The following DNAJC5 variants were observed in gnomAD, a reference collection of about 807,000 sequenced individuals.
DNAJC5 encodes the protein dnaJ homolog subfamily C member 5.
A neutral mutation model predicts 23.2 loss-of-function variants in DNAJC5; 1 was observed. The observed-to-expected ratio is 0.04, with a 90% CI of 0.02 to 0.20. The LOEUF is 0.20. Among genes scored for constraint, DNAJC5 ranks in the 10% least tolerant of loss-of-function variants. The probability of loss-of-function intolerance (pLI) is 1.00; values close to 1 mark genes in which losing one functional copy is unlikely to be tolerated. For synonymous variants in DNAJC5, 136 were observed against 120.0 expected (o/e 1.13, Z -0.87); for missense variants, 180 against 267.0 (o/e 0.67, Z 2.27).
In DNAJC5 at chr20:63,932,858, A is replaced by G. The variant is rs1465993285; in HGVS notation, c.*1290A>G. ...ACCATTGTGGGTCCCTTGGGAGGCC[A>G]GCAGCCAGACTACGGAATCCACATG... On this transcript the variant is annotated 3_prime_UTR_variant, in exon 5 of 5. Transcript: ENST00000360864. This position sits in a 1 kb window ranked among gnomAD's most constrained non-coding sequence, Gnocchi z 4.4. The G allele has an allele frequency of 6.6e-6, 1 of 152,236 alleles. No homozygotes were observed. The highest frequency in any genetic ancestry group is 6.6e-5 in the Admixed American group (1 of 15,262). 9.4% of individuals were successfully genotyped at this position (152,236 alleles called of 1,614,324 possible).
intron 1 of DNAJC5, among the ~76,000 whole-genome samples, chr20:63,913,830 T>C (rs570205294): frequency 1.3e-5 from 2 of 152,306 alleles, no homozygotes; most frequent in East Asian, 3.9e-4. Flanking sequence ...CCGCCCACCT[T>C]GGCCTCCCAA....
intron 1 of DNAJC5, among the ~76,000 whole-genome samples, chr20:63,926,045 GT>G (rs2053612989): frequency 1.3e-5 from 2 of 152,064 alleles, no homozygotes; most frequent in Admixed American, 6.6e-5. Flanking sequence ...AGCCAGGATG[GT>G]CTCAATCTCC....
chr20:63,914,272 T>C (rs140910126), intron 1 of DNAJC5, among the ~76,000 whole-genome samples: 1 of 152,218 alleles, frequency 6.6e-6, no homozygotes. Flanking sequence ...TGTTGAAATA[T>C]TATTTTAAGT....
At chr20:63,916,197 C>T (rs1367122831) in intron 1 of DNAJC5, among the ~76,000 whole-genome samples, 2 of 152,256 alleles carry the variant, frequency 1.3e-5, no homozygotes, top group Non-Finnish European at 2.9e-5. Context: ...ATCTGCATTC[C>T]TCAGCCTCCA....
chr20:63,914,193 G>A (rs948391480), intron 1 of DNAJC5, among the ~76,000 whole-genome samples: 1 of 152,210 alleles, frequency 6.6e-6, no homozygotes. Flanking sequence ...CCGTGGAGGT[G>A]CTGTGACCCA....
chr20:63,904,740 A>G (rs923906084), intron 1 of DNAJC5, among the ~76,000 whole-genome samples: 1 of 152,344 alleles, frequency 6.6e-6, no homozygotes, highest in African/African-American at 2.4e-5. Context: ...AAACAGGCTT[A>G]TCTTATATTT....
Position 63,928,969 on chromosome 20 carries a change from A to C in DNAJC5, c.108-343A>C, listed in dbSNP as rs912975986. On this transcript the variant is annotated intron_variant, in intron 2 of 4. Coordinates refer to ENST00000360864, the MANE Select transcript of DNAJC5 (RefSeq NM_025219.3). This position sits in a 1 kb window ranked among gnomAD's most constrained non-coding sequence, Gnocchi z 4.6. ...ATAAAACACTTCTTAAAGTGCCATC[A>C]TTACGCCCCGCCGTGCTTACCGTTC... 4.6e-5 allele frequency among the ~76,000 whole-genome samples: 7 copies of C among 152,258 alleles called. No individual in the cohort carries two copies. The highest frequency in any genetic ancestry group is 2.6e-4 in the Admixed American group (4 of 15,292).
At chr20:63,904,808 T>G (rs1441080602) in intron 1 of DNAJC5, among the ~76,000 whole-genome samples, 1 of 151,976 alleles carries the variant, frequency 6.6e-6, no homozygotes, top group African/African-American at 2.4e-5. Context: ...TTTTGTTTGT[T>G]TTTGTTTTTC....
intron 1 of DNAJC5, among the ~76,000 whole-genome samples, chr20:63,904,207 G>A (rs540080671): frequency 1.6e-4 from 25 of 152,280 alleles, no homozygotes; most frequent in African/African-American, 5.5e-4. Context: ...TTAGATTCTC[G>A]AGTATAAAGG....
At chr20:63,917,924 C>T (rs935150858) in intron 1 of DNAJC5, among the ~76,000 whole-genome samples, 2 of 152,174 alleles carry the variant, frequency 1.3e-5, no homozygotes, top group South Asian at 2.1e-4. Flanking sequence ...TGTCTTCTCA[C>T]GCCTCAGTTG....
chr20:63,931,380 T>TA lies in DNAJC5; in HGVS notation c.494-85_494-84insA. 1 of 1,265,498 alleles carries TA rather than the reference T, an allele frequency of 7.9e-7. No homozygotes were observed. The highest frequency in any genetic ancestry group is 1.5e-5 in the African/African-American group (1 of 67,774). The allele number at this position is 1,265,498 out of a possible 1,614,324, so 78.4% of individuals were successfully genotyped here. Reference sequence around the variant, plus strand: ...TCTCCCGGTGGAGAGTTTGTCCAGGTGCCCGAAAGTCGCTCCACAGGACCA... The same window carrying TA: ...TCTCCCGGTGGAGAGTTTGTCCAGGTAGCCCGAAAGTCGCTCCACAGGACCA... On this transcript the variant is annotated intron_variant, in intron 4 of 4. Transcript: ENST00000360864. The surrounding 1 kb of genome is among the most constrained non-coding windows in gnomAD (Gnocchi z 9.6).
In DNAJC5 at chr20:63,931,281, G is replaced by A; in HGVS notation, c.494-184G>A. 1 of 793,274 alleles carries A rather than the reference G, an allele frequency of 1.3e-6. No homozygotes were observed. Among genetic ancestry groups the A allele is most frequent in the Admixed American group, 2.0e-5 (1 of 49,494 alleles). The allele number at this position is 793,274 out of a possible 1,614,324, so 49.1% of individuals were successfully genotyped here. A position where few individuals can be genotyped will look rare whatever the true frequency, so the allele number is the denominator to read the frequency against. On this transcript the variant is annotated intron_variant, in intron 4 of 4. Coordinates refer to ENST00000360864, the MANE Select transcript of DNAJC5 (RefSeq NM_025219.3). This position sits in a 1 kb window ranked among gnomAD's most constrained non-coding sequence, Gnocchi z 9.6. ...CAGGGCGGCAGGCAGTTGGGGCGGG[G>A]CTGAGGGCCGAGGGCTGGCGGTGAC...
At chr20:63,918,133 A>G (rs780145156) in intron 1 of DNAJC5, among the ~76,000 whole-genome samples, 1 of 152,228 alleles carries the variant, frequency 6.6e-6, no homozygotes, top group Non-Finnish European at 1.5e-5. Context: ...GTTGTGGTCT[A>G]TTCACAGAAT....
chr20:63,904,444 T>G (rs1315607723), intron 1 of DNAJC5, among the ~76,000 whole-genome samples: 1 of 152,202 alleles, frequency 6.6e-6, no homozygotes, highest in Non-Finnish European at 1.5e-5. Flanking sequence ...TGAGCACTGC[T>G]TAATTCACAT....
intron 1 of DNAJC5, among the ~76,000 whole-genome samples, chr20:63,925,207 C>T (rs963313024): frequency 5.3e-5 from 8 of 152,082 alleles, no homozygotes; most frequent in South Asian, 4.1e-4. Context: ...TATAAGAGGC[C>T]GGGCACGGTG....
chr20:63,923,855 C>G (rs1220397215), intron 1 of DNAJC5, among the ~76,000 whole-genome samples: 1 of 152,238 alleles, frequency 6.6e-6, no homozygotes, highest in African/African-American at 2.4e-5. Flanking sequence ...CCAAGTCATT[C>G]TGCGCTCTTG....
At chr20:63,925,670 C>G (rs2053606809) in intron 1 of DNAJC5, among the ~76,000 whole-genome samples, 1 of 151,062 alleles carries the variant, frequency 6.6e-6, no homozygotes, top group Non-Finnish European at 1.5e-5. Flanking sequence ...CCCGCCCCAT[C>G]TGCCTGGCAT....
intron 1 of DNAJC5, among the ~76,000 whole-genome samples, chr20:63,906,116 T>G (rs1208598633): frequency 6.6e-6 from 1 of 152,242 alleles, no homozygotes; most frequent in East Asian, 1.9e-4. Flanking sequence ...AAGCTGAGAA[T>G]TAATTAAAAT....
Position 63,899,960 on chromosome 20 carries a change from C to T in DNAJC5, c.-12+4637C>T, listed in dbSNP as rs139773073. Among the ~76,000 whole-genome samples the T allele has an allele frequency of 1.6e-3, 242 of 150,096 alleles. 2 individuals are homozygous for T. Among genetic ancestry groups the T allele is most frequent in the Non-Finnish European group, 1.7e-3 (114 of 67,730 alleles). ...CTTGAGTACAACGGTACGGTTTCCG[C>T]TCATGGCAACCTCTGCCTCCTAGGT... On this transcript the variant is annotated intron_variant, in intron 1 of 4. Coordinates refer to ENST00000360864, the MANE Select transcript of DNAJC5 (RefSeq NM_025219.3).
Sources: allele counts gnomAD v4.1 joint callset (sites outside exome capture counted in the v4.1 genomes callset), GRCh38; gene constraint gnomAD v4.1.1; non-coding constraint Gnocchi (gnomAD v3.1); transcripts MANE v1.5; gene names NCBI Gene and HGNC (gene_info 2026-07-23, HGNC 2026-07-21).